The following IFT88 variants were observed in gnomAD, a reference collection of about 807,000 sequenced individuals.
The protein encoded by IFT88 is intraflagellar transport 88.
A neutral mutation model predicts 119.5 loss-of-function variants in IFT88; 74 were observed. The observed-to-expected ratio is 0.62, with a 90% CI of 0.51 to 0.75. IFT88 has a LOEUF of 0.75. Ranked by LOEUF, IFT88 falls within the 30% of genes least tolerant of loss-of-function variation. The pLI is 0.00. For missense variants in IFT88, 961 were observed against 977.7 expected, an observed-to-expected ratio of 0.98 and a Z score of 0.23; for synonymous variants, 279 against 316.7, an observed-to-expected ratio of 0.88 and a Z score of 1.26.
chr13:20,634,583 C>T lies in IFT88; in HGVS notation c.1386+3481C>T, dbSNP rs367982278. 6.9e-4 allele frequency among the ~76,000 whole-genome samples: 105 copies of T among 152,016 alleles called. No homozygotes were observed. In the East Asian group the frequency reaches 0.013, roughly 19 times the overall value. ...TCTACCAAAAATATAAAAAATTAGC[C>T]AGGCATGGTGGTGCATACCTGTAGT... is the stretch of plus-strand genomic sequence containing the variant. On this transcript the variant is annotated intron_variant, in intron 16 of 25. Transcript: ENST00000351808.
In IFT88 at chr13:20,627,730, C is replaced by CAA. The variant is rs58325378; in HGVS notation, c.1299+1903_1299+1904dup. 6.5e-3 allele frequency among the ~76,000 whole-genome samples: 524 copies of CAA among 80,186 alleles called. 4 individuals carry two copies. Among genetic ancestry groups the CAA allele is most frequent in the African/African-American group, 0.016 (344 of 22,054 alleles). 52.6% of individuals were successfully genotyped at this position (80,186 alleles called of 152,430 possible). ...TGAGTGACAGAGCGAGACTTCATCTCAAAAAAAAAAAAAAAAAAAAAAAGG... is the reference window on the plus strand; with the variant it reads ...TGAGTGACAGAGCGAGACTTCATCTCAAAAAAAAAAAAAAAAAAAAAAAAAGG... On this transcript the variant is annotated intron_variant, in intron 15 of 25. Transcript: ENST00000351808.
At chr13:20,591,514 A>C in intron 5 of IFT88, 104 bp from the exon 6 acceptor site, 1 of 735,880 alleles carries the variant, frequency 1.4e-6, no homozygotes, top group East Asian at 3.0e-5. Flanking sequence ...ATTGAAAATC[A>C]GCATTTTTTT....
intron 17 of IFT88, among the ~76,000 whole-genome samples, chr13:20,638,812 T>C (rs1361934044): frequency 6.6e-6 from 1 of 152,240 alleles, no homozygotes; most frequent in East Asian, 1.9e-4. Flanking sequence ...CTGGATATTA[T>C]CATTCTTTTT....
chr13:20,626,043 C>CTTTCTTT (rs2047249498), intron 15 of IFT88, among the ~76,000 whole-genome samples, 194 bp downstream of exon 15: 5 of 39,576 alleles, frequency 1.3e-4, no homozygotes, highest in African/African-American at 2.3e-4. Context: ...TTTGTCGTTT[C>CTTTCTTT]TTTTTTTTTT....
chr13:20,680,642 C>T lies in IFT88; in HGVS notation c.2242+9603C>T, dbSNP rs568815515. On this transcript the variant is annotated intron_variant, in intron 24 of 25. Transcript: ENST00000351808. The stretch of plus-strand genomic sequence containing the variant: ...GCCCCAGGGGGGTGGCTGTGCCCGA[C>T]CAGTGTTGCTCGCCAGCACTTGTGT... Among the ~76,000 whole-genome samples the T allele has an allele frequency of 2.0e-5, 3 of 152,276 alleles. No homozygotes were observed. In the South Asian group the frequency reaches 6.2e-4, roughly 32 times the overall value.
intron 20 of IFT88, among the ~76,000 whole-genome samples, chr13:20,647,889 A>G (rs140536444): frequency 3.9e-4 from 59 of 152,336 alleles, no homozygotes; most frequent in African/African-American, 1.3e-3. Flanking sequence ...AAGATCCACA[A>G]TGAGACACAT....
At chr13:20,623,095 G>T (rs2046785793) in intron 14 of IFT88, among the ~76,000 whole-genome samples, 1 of 152,248 alleles carries the variant, frequency 6.6e-6, no homozygotes, top group South Asian at 2.1e-4. Context: ...AATAGCGTTG[G>T]CATCCTTGTC....
intron 21 of IFT88, among the ~76,000 whole-genome samples, chr13:20,654,678 A>G (rs766084315): frequency 2.0e-5 from 3 of 152,216 alleles, no homozygotes; most frequent in African/African-American, 2.4e-5. Context: ...GCACCTTCAG[A>G]ATGGCATCAG....
intron 2 of IFT88, among the ~76,000 whole-genome samples, chr13:20,579,183 A>T (rs993832107): frequency 6.6e-6 from 1 of 152,188 alleles, no homozygotes; most frequent in Admixed American, 6.5e-5. Flanking sequence ...TTTTCACTGT[A>T]TCCCACAGCT....
rs374604050 is a variant in IFT88 at position 20,567,676 on chromosome 13, CA to C, written c.-7+421del. ...TCTTTAATTTTCTTGTTAGGTGAAG[CA>C]CTTCAAATTGCCTGATGAAAGTTGA... On this transcript the variant is annotated intron_variant, in intron 1 of 25. Transcript: ENST00000351808. The C allele has an allele frequency of 5.4e-4, 587 of 1,079,876 alleles. 11 individuals are homozygous for C. In the South Asian group the frequency reaches 0.019, roughly 35 times the overall value. 66.9% of individuals were successfully genotyped at this position (1,079,876 alleles called of 1,614,324 possible).
chr13:20,632,723 A>C (rs146683489), intron 16 of IFT88, among the ~76,000 whole-genome samples: 36 of 152,328 alleles, frequency 2.4e-4, no homozygotes, highest in African/African-American at 7.5e-4. Context: ...TTGTATTTTA[A>C]TGGTTTATAT....
rs78594189 is a variant in IFT88, at chr13:20,631,600, C to T, written c.1386+498C>T. Reference sequence around the variant, plus strand: ...AGGAAGGAAGGTTTAAAGTAGAGAACAATAAACGAATGCAGATAATAAGTG... The same window carrying T: ...AGGAAGGAAGGTTTAAAGTAGAGAATAATAAACGAATGCAGATAATAAGTG... On this transcript the variant is annotated intron_variant, in intron 16 of 25. Coordinates refer to ENST00000351808, the MANE Select transcript of IFT88 (RefSeq NM_006531.5). 1.5e-3 allele frequency: 235 copies of T among 152,760 alleles called. 7 individuals carry two copies. In the East Asian group the frequency reaches 0.042, roughly 27 times the overall value. The allele number at this position is 152,760 out of a possible 1,614,324, so 9.5% of individuals were successfully genotyped here. A position where few individuals can be genotyped will look rare whatever the true frequency, so the allele number is the denominator to read the frequency against.
At chr13:20,682,611 A>C (rs1260705306) in intron 24 of IFT88, among the ~76,000 whole-genome samples, 1 of 152,248 alleles carries the variant, frequency 6.6e-6, no homozygotes, top group East Asian at 1.9e-4. Flanking sequence ...GAGGAGGAGC[A>C]GTCTGAATTT....
rs183093354 is a variant in IFT88, at chr13:20,638,251, A to G, written c.1387-81A>G. 5.7e-5 allele frequency: 42 copies of G among 737,994 alleles called. No homozygotes were observed. The East Asian group carries it at 1.2e-3, about 22-fold the overall frequency. The allele number at this position is 737,994 out of a possible 1,614,324, so 45.7% of individuals were successfully genotyped here. ...TTACATTTATAATCTCAGAAAGTCT[A>G]TTTATTATGTCTGTAATCTCAGAAC... is the stretch of plus-strand genomic sequence containing the variant. On this transcript the variant is annotated intron_variant, in intron 16 of 25. Transcript: ENST00000351808.
At chr13:20,630,392 C>T (rs2048020960) in intron 15 of IFT88, among the ~76,000 whole-genome samples, 2 of 152,080 alleles carry the variant, frequency 1.3e-5, no homozygotes, top group Non-Finnish European at 2.9e-5. Flanking sequence ...AAAGAATGGT[C>T]TTCTATAGGC....
intron 14 of IFT88, among the ~76,000 whole-genome samples, chr13:20,621,945 C>T (rs1474713166): frequency 6.6e-6 from 1 of 152,190 alleles, no homozygotes; most frequent in Admixed American, 6.5e-5. Context: ...TTACTGTCTC[C>T]ATAGTTTTGG....
intron 23 of IFT88, among the ~76,000 whole-genome samples, chr13:20,668,347 C>G (rs2140941664): frequency 6.7e-6 from 1 of 148,732 alleles, no homozygotes; most frequent in East Asian, 2.0e-4. Context: ...TTAACTGAGT[C>G]TTGACAGTTG....
At position 20,631,171 on chromosome 13, in the gene IFT88, C is replaced by A. The variant is rs776959880; in HGVS notation, c.1386+69C>A. 7.1e-6 allele frequency: 7 copies of A among 983,372 alleles called. No individual in the cohort carries two copies. The African/African-American group carries it at 7.9e-5, about 11-fold the overall frequency. 60.9% of individuals were successfully genotyped at this position (983,372 alleles called of 1,614,324 possible). A position where few individuals can be genotyped will look rare whatever the true frequency, so the allele number is the denominator to read the frequency against. Reference sequence around the variant, plus strand: ...TATTGCTAAATTTCTGCCCAAGGATCATGCCTAGGGAGAGGTCCAAAGAAT... The same window carrying A: ...TATTGCTAAATTTCTGCCCAAGGATAATGCCTAGGGAGAGGTCCAAAGAAT... On this transcript the variant is annotated intron_variant, in intron 16 of 25. Transcript: ENST00000351808.
intron 13 of IFT88, among the ~76,000 whole-genome samples, chr13:20,605,757 A>G (rs939301459): frequency 4.6e-5 from 7 of 151,898 alleles, no homozygotes; most frequent in African/African-American, 1.7e-4. Context: ...GGCTCCCACT[A>G]CCCCCTCCTC....
Sources: gnomAD v4.1 joint callset for allele counts (sites outside exome capture counted in the v4.1 genomes callset) on GRCh38, gnomAD v4.1.1 for gene constraint, MANE v1.5 for transcripts, NCBI Gene and HGNC (gene_info 2026-07-23, HGNC 2026-07-21) for gene names.